EYS: variants seen among roughly 807,000 people sequenced by gnomAD.
The protein encoded by EYS is protein eyes shut homolog.
In EYS, 250 loss-of-function variants were observed where a neutral mutation model predicts 282.1. That is an observed-to-expected ratio of 0.89 (90% confidence interval 0.80 to 0.98). The LOEUF is 0.98. EYS is among the 50% of genes least tolerant of loss of function. The probability of loss-of-function intolerance (pLI) is 0.00; values close to 1 mark genes in which losing one functional copy is unlikely to be tolerated. For missense variants in EYS, 4,016 were observed against 3,709.0 expected, an observed-to-expected ratio of 1.08 and a Z score of -2.15; for synonymous variants, 1,355 against 1,282.9, an observed-to-expected ratio of 1.06 and a Z score of -1.20.
intron 12 of EYS, among the ~76,000 whole-genome samples, chr6:65,113,208 AT>A (rs1775264971): frequency 6.6e-6 from 1 of 152,050 alleles, no homozygotes; most frequent in Non-Finnish European, 1.5e-5. Context: ...TTGCAAAATA[AT>A]ATTTGCAGAA....
rs117119966 is a variant in EYS at position 64,857,693 on chromosome 6, A to G, written c.2992+29004T>C. Among the ~76,000 whole-genome samples, 1,099 of 152,278 alleles carry G rather than the reference A, an allele frequency of 7.2e-3. 18 individuals carry two copies. Among genetic ancestry groups the G allele is most frequent in the Admixed American group, 0.036 (551 of 15,292 alleles). Reference sequence around the variant, plus strand: ...TAGAGGAACCTCCATACCATTTTCCATATGGATTTACTAAGTTACATTCCC... The same window carrying G: ...TAGAGGAACCTCCATACCATTTTCCGTATGGATTTACTAAGTTACATTCCC... On this transcript the variant is annotated intron_variant, in intron 19 of 42. Transcript: ENST00000503581.
At position 63,778,146 on chromosome 6, in the gene EYS, C is replaced by G; in HGVS notation, c.7758G>C (p.Lys2586Asn). 6.4e-7 allele frequency: 1 copy of G among 1,551,862 alleles called. No individual in the cohort carries two copies. Among genetic ancestry groups the G allele is most frequent in the Non-Finnish European group, 8.7e-7 (1 of 1,146,980 alleles). Reference protein sequence around the residue: ...CIFTLQVRTEKDGHFRGLGNP... With the variant: ...CIFTLQVRTENDGHFRGLGNP... ...TTCCCAGTCCTCTGAAATGGCCATCCTTCTCAGTGCGAACTTGAAGAGTGA... is the reference window on the plus strand; with the variant it reads ...TTCCCAGTCCTCTGAAATGGCCATCGTTCTCAGTGCGAACTTGAAGAGTGA... The change falls in exon 40 of 43, where the codon AAG (lysine) becomes AAC (asparagine). Residue 2586 changes from lysine (K) to asparagine (N), a missense_variant. Transcript: ENST00000503581.
intron 26 of EYS, among the ~76,000 whole-genome samples, chr6:64,548,095 C>A (rs867374772): frequency 2.0e-5 from 3 of 152,184 alleles, no homozygotes; most frequent in Admixed American, 6.5e-5. Context: ...TCGGCCAGCC[C>A]AGGAAGGGGC....
chr6:65,415,945 AT>A (rs1392024243), intron 5 of EYS, among the ~76,000 whole-genome samples: 1 of 152,066 alleles, frequency 6.6e-6, no homozygotes, highest in Non-Finnish European at 1.5e-5. Context: ...AAACAAATTA[AT>A]AAGTAGAGAT....
At chr6:65,158,255 T>G (rs897410331) in intron 12 of EYS, among the ~76,000 whole-genome samples, 13 of 150,816 alleles carry the variant, frequency 8.6e-5, no homozygotes, top group Non-Finnish European at 1.3e-4. Flanking sequence ...AGAAGAAATA[T>G]TATAAGGAAT....
At chr6:64,861,231 AG>A (rs1440158546) in intron 19 of EYS, among the ~76,000 whole-genome samples, 3 of 152,176 alleles carry the variant, frequency 2.0e-5, no homozygotes, top group African/African-American at 7.2e-5. Context: ...TGGTGCCCAA[AG>A]TCCAGAGGGG....
At chr6:65,053,772 C>T (rs556728720) in intron 13 of EYS, among the ~76,000 whole-genome samples, 1 of 151,996 alleles carries the variant, frequency 6.6e-6, no homozygotes, top group South Asian at 2.1e-4. Flanking sequence ...AGGCACAAAA[C>T]AGGTAAAGGC....
At chr6:64,974,883 A>G (rs2150113090) in intron 14 of EYS, among the ~76,000 whole-genome samples, 1 of 151,986 alleles carries the variant, frequency 6.6e-6, no homozygotes, top group Admixed American at 6.6e-5. Context: ...ATTACATTGA[A>G]TGGACTTCTT....
chr6:65,432,531 G>A (rs1767925418), intron 5 of EYS, among the ~76,000 whole-genome samples: 1 of 152,022 alleles, frequency 6.6e-6, no homozygotes, highest in Admixed American at 6.6e-5. Flanking sequence ...GTAAGGAAAT[G>A]CCTAACTTTG....
chr6:64,263,080 T>G (rs1034662182), intron 30 of EYS, among the ~76,000 whole-genome samples: 2 of 152,070 alleles, frequency 1.3e-5, no homozygotes, highest in South Asian at 4.1e-4. Context: ...AAGGTGATGA[T>G]AGTAAACGCT....
At chr6:64,146,779 A>T (rs77726603) in intron 31 of EYS, among the ~76,000 whole-genome samples, 4,604 of 152,220 alleles carry the variant, frequency 0.03, 226 homozygotes, top group African/African-American at 0.1. Context: ...AAAGTAGAGA[A>T]ACATCTTTGA....
chr6:64,598,017 G>T (rs1766641911), intron 24 of EYS, among the ~76,000 whole-genome samples: 1 of 152,038 alleles, frequency 6.6e-6, no homozygotes, highest in African/African-American at 2.4e-5. Context: ...CAATTAATAT[G>T]CGTCAACTAA....
rs533594095 is a variant in EYS at position 64,025,637 on chromosome 6, C to T, written c.6726-26454G>A. 1.1e-4 allele frequency among the ~76,000 whole-genome samples: 16 copies of T among 152,296 alleles called. No individual in the cohort carries two copies. In the South Asian group the frequency reaches 2.9e-3, roughly 28 times the overall value. ...AGAAAGACATAATTTTTGCCCAAAG[C>T]TCCGTCATAGTGGGGACTACCTGGA... On this transcript the variant is annotated intron_variant, in intron 33 of 42. Transcript: ENST00000503581.
intron 35 of EYS, among the ~76,000 whole-genome samples, chr6:63,928,189 T>C (rs1391717606): frequency 6.6e-6 from 1 of 152,196 alleles, no homozygotes; most frequent in East Asian, 1.9e-4. Flanking sequence ...GTAAAATAAC[T>C]GATTACTAGC....
intron 33 of EYS, among the ~76,000 whole-genome samples, chr6:64,062,045 A>G (rs1009001567): frequency 2.0e-5 from 3 of 152,222 alleles, no homozygotes; most frequent in Non-Finnish European, 2.9e-5. Flanking sequence ...CATCGTGTCA[A>G]CATTCATATG....
chr6:64,304,435 A>C (rs1769359361), intron 30 of EYS, among the ~76,000 whole-genome samples: 1 of 152,230 alleles, frequency 6.6e-6, no homozygotes, highest in Non-Finnish European at 1.5e-5. Flanking sequence ...AACCAACTAG[A>C]TCTAACAGAC....
In EYS at chr6:65,353,466, C is replaced by A. The variant is rs372391247; in HGVS notation, c.1451G>T (p.Gly484Val). The stretch of plus-strand genomic sequence containing the variant: ...TTACATAAATTTGTTACCTGCAAAT[C>A]CCAATTGCCACACATATTCAAATTG... ...PAQFEYVWQL[G>V]FAGSEGEKCQ... Residue 484 changes from glycine (G) to valine (V), a missense_variant, in exon 9 of 43, where the codon GGA (glycine) becomes GTA (valine). Gly to Val is a moderately radical substitution (Grantham distance 109, BLOSUM62 -3). Transcript: ENST00000503581. The A allele has an allele frequency of 1.2e-6, 2 of 1,612,860 alleles. No homozygotes were observed. Among genetic ancestry groups the A allele is most frequent in the Non-Finnish European group, 1.7e-6 (2 of 1,179,276 alleles).
At chr6:65,002,760 A>C (rs1314044458) in intron 13 of EYS, among the ~76,000 whole-genome samples, 1 of 147,806 alleles carries the variant, frequency 6.8e-6, no homozygotes, top group Non-Finnish European at 1.5e-5. Context: ...TGGCAGAAGA[A>C]CGTAGATTGT....
intron 14 of EYS, among the ~76,000 whole-genome samples, chr6:64,961,347 T>A (rs1769909322): frequency 6.6e-6 from 1 of 152,162 alleles, no homozygotes. Flanking sequence ...TGTTGTAAAC[T>A]ATTAATTATT....
Sources: allele counts gnomAD v4.1 joint callset (sites outside exome capture counted in the v4.1 genomes callset), GRCh38; gene constraint gnomAD v4.1.1; transcripts MANE v1.5; gene names NCBI Gene and HGNC (gene_info 2026-07-23, HGNC 2026-07-21).